The following DESI2 variants were observed in gnomAD, a reference collection of about 807,000 sequenced individuals.
DESI2 encodes the protein deubiquitinase DESI2.
DESI2 carries 10 observed loss-of-function variants against 24.1 expected under a neutral mutation model. That is an observed-to-expected ratio of 0.41 (90% CI 0.26 to 0.70). The LOEUF (loss-of-function observed/expected upper bound fraction) is 0.70, where lower values mean the gene tolerates loss of function less well. Among genes scored for constraint, DESI2 ranks in the 30% least tolerant of loss-of-function variants. DESI2 has a pLI of 0.29. For synonymous variants in DESI2, 71 were observed against 87.7 expected (o/e 0.81, Z 1.06); for missense variants, 122 against 234.9 (o/e 0.52, Z 3.14).
chr1:244,655,509 C>G (rs1295271749), intron 1 of DESI2, among the ~76,000 whole-genome samples: 1 of 152,042 alleles, frequency 6.6e-6, no homozygotes, highest in Non-Finnish European at 1.5e-5. Flanking sequence ...TATTTTTGAC[C>G]TGGTAGAAGC....
intron 1 of DESI2, among the ~76,000 whole-genome samples, chr1:244,675,571 T>TA (rs1283620100): frequency 6.6e-6 from 1 of 152,228 alleles, no homozygotes. Context: ...GCACCTTTGT[T>TA]AAAGATCAGT....
chr1:244,663,225 G>A (rs1354257683), intron 1 of DESI2, among the ~76,000 whole-genome samples: 2 of 151,002 alleles, frequency 1.3e-5, no homozygotes, highest in African/African-American at 2.4e-5. Context: ...TCGCTCTGTC[G>A]CCCAGGCTGG....
At chr1:244,667,227 C>G (rs932430328) in intron 1 of DESI2, among the ~76,000 whole-genome samples, 18 of 152,168 alleles carry the variant, frequency 1.2e-4, no homozygotes, top group African/African-American at 4.1e-4. Flanking sequence ...TGAGACAAGG[C>G]AAGTCCCTTC....
chr1:244,689,719 A>G lies in DESI2; in HGVS notation c.209+377A>G, dbSNP rs1272180300. On this transcript the variant is annotated intron_variant, in intron 3 of 4. Coordinates refer to ENST00000302550, the MANE Select transcript of DESI2 (RefSeq NM_016076.5). The surrounding 1 kb of genome is among the most constrained non-coding windows in gnomAD (Gnocchi z 4.0). ...GAGATGGAGTTTCGCCATGTTGGCCAGGCTAGTCTTGAACTCCTGACCTCA... is the reference window on the plus strand; with the variant it reads ...GAGATGGAGTTTCGCCATGTTGGCCGGGCTAGTCTTGAACTCCTGACCTCA... Among the ~76,000 whole-genome samples, 2 of 152,168 alleles carry G rather than the reference A, an allele frequency of 1.3e-5. No homozygotes were observed. Among genetic ancestry groups the G allele is most frequent in the African/African-American group, 4.8e-5 (2 of 41,434 alleles).
intron 1 of DESI2, among the ~76,000 whole-genome samples, chr1:244,663,397 C>G (rs540632426): frequency 6.6e-6 from 1 of 151,852 alleles, no homozygotes; most frequent in African/African-American, 2.4e-5. Context: ...AGGATGGTCT[C>G]GATCTCCTGA....
chr1:244,657,307 A>G (rs1200401986), intron 1 of DESI2, among the ~76,000 whole-genome samples: 1 of 152,272 alleles, frequency 6.6e-6, no homozygotes, highest in Middle Eastern at 3.4e-3. Flanking sequence ...TTCCAGAATC[A>G]CACATCCCAC....
Position 244,705,797 on chromosome 1 carries a change from C to T in DESI2, c.*8C>T, listed in dbSNP as rs755360342. 3.8e-6 allele frequency: 6 copies of T among 1,587,606 alleles called. No homozygotes were observed. The highest frequency in any genetic ancestry group is 5.2e-6 in the Non-Finnish European group (6 of 1,163,802). ...CGCCACACTAAACTATAAATGTCTC[C>T]AAAGTCACACATTCAGAACTGTCTC... On this transcript the variant is annotated 3_prime_UTR_variant, in exon 5 of 5. Coordinates refer to ENST00000302550, the MANE Select transcript of DESI2 (RefSeq NM_016076.5).
At chr1:244,665,337 CCTAA>C (rs953636545) in intron 1 of DESI2, among the ~76,000 whole-genome samples, 5 of 152,232 alleles carry the variant, frequency 3.3e-5, no homozygotes, top group African/African-American at 7.2e-5. Context: ...AATCTGCGCT[CCTAA>C]CTGTCATGCT....
chr1:244,667,905 T>A (rs567290689), intron 1 of DESI2, among the ~76,000 whole-genome samples: 2 of 152,358 alleles, frequency 1.3e-5, no homozygotes, highest in South Asian at 4.1e-4. Context: ...AGTCACTCAT[T>A]GTGTGATCTT....
intron 1 of DESI2, among the ~76,000 whole-genome samples, chr1:244,671,755 TATG>T (rs1442367900): frequency 1.3e-5 from 2 of 152,236 alleles, no homozygotes; most frequent in African/African-American, 4.8e-5. Flanking sequence ...TGTTATTGGC[TATG>T]ATTTTGTTTT....
chr1:244,707,739 T>G lies in DESI2; in HGVS notation c.*1950T>G, dbSNP rs3795479. On this transcript the variant is annotated 3_prime_UTR_variant, in exon 5 of 5. Coordinates refer to ENST00000302550, the MANE Select transcript of DESI2 (RefSeq NM_016076.5). ...CACACACAGTAGCCATTAGTTAGAC[T>G]CTTCTTAGTGAATATCAGGAACATC... 6.6e-6 allele frequency: 1 copy of G among 152,066 alleles called. No individual in the cohort carries two copies. Among genetic ancestry groups the G allele is most frequent in the Non-Finnish European group, 1.5e-5 (1 of 68,024 alleles). 9.4% of individuals were successfully genotyped at this position (152,066 alleles called of 1,614,324 possible).
rs1026178122 is a variant in DESI2 at position 244,679,156 on chromosome 1, T to C, written c.43-7441T>C. Among the ~76,000 whole-genome samples the C allele has an allele frequency of 7.2e-5, 11 of 152,060 alleles. 1 individual carries two copies. Among genetic ancestry groups the C allele is most frequent in the Non-Finnish European group, 1.3e-4 (9 of 68,000 alleles). The stretch of plus-strand genomic sequence containing the variant: ...TGGGCTCAGGTAATCAATCCTCCCA[T>C]GTCAGCCTCCTGGGTAGCTGGGACT... On this transcript the variant is annotated intron_variant, in intron 1 of 4. Coordinates refer to ENST00000302550, the MANE Select transcript of DESI2 (RefSeq NM_016076.5).
intron 1 of DESI2, chr1:244,653,891 A>G (rs1159731217): frequency 4.3e-6 from 2 of 470,474 alleles, no homozygotes; most frequent in Admixed American, 2.4e-5. Flanking sequence ...GAGCCAACAC[A>G]CCCTTTCCTT....
intron 1 of DESI2, chr1:244,653,595 C>T (rs1675539062): frequency 1.9e-6 from 1 of 528,908 alleles, no homozygotes; most frequent in Non-Finnish European, 3.3e-6. Flanking sequence ...GCTTGAACCT[C>T]TCCCATCCGC....
Position 244,683,100 on chromosome 1 carries a change from A to G in DESI2, c.43-3497A>G, listed in dbSNP as rs6670480. On this transcript the variant is annotated intron_variant, in intron 1 of 4. Coordinates refer to ENST00000302550, the MANE Select transcript of DESI2 (RefSeq NM_016076.5). ...ATCCAGGGGGGTTCTGGCTAAACCAACCTAACACATTTCCTAGTGAAGATC... is the reference window on the plus strand; with the variant it reads ...ATCCAGGGGGGTTCTGGCTAAACCAGCCTAACACATTTCCTAGTGAAGATC... Among the ~76,000 whole-genome samples, 982 of 152,208 alleles carry G rather than the reference A, an allele frequency of 6.5e-3. 18 individuals are homozygous for G. Among genetic ancestry groups the G allele is most frequent in the African/African-American group, 0.022 (930 of 41,538 alleles).
At chr1:244,668,285 G>C (rs1676116902) in intron 1 of DESI2, among the ~76,000 whole-genome samples, 1 of 152,140 alleles carries the variant, frequency 6.6e-6, no homozygotes, top group Non-Finnish European at 1.5e-5. Context: ...GGTCTTTCTA[G>C]AATAGTGTTT....
chr1:244,694,573 C>T, intron 4 of DESI2: 1 of 796,594 alleles, frequency 1.3e-6, no homozygotes. Context: ...TTAGCCTTGG[C>T]ACTGCCGTTA....
At chr1:244,701,701 C>CTAT (rs1391067758) in intron 4 of DESI2, among the ~76,000 whole-genome samples, 14 of 152,160 alleles carry the variant, frequency 9.2e-5, no homozygotes, top group African/African-American at 3.1e-4. Context: ...GCCTGTTCCA[C>CTAT]TATTATATTT....
At chr1:244,698,573 G>A (rs1465367985) in intron 4 of DESI2, among the ~76,000 whole-genome samples, 1 of 152,172 alleles carries the variant, frequency 6.6e-6, no homozygotes, top group Admixed American at 6.5e-5. Flanking sequence ...GCATATTTTG[G>A]AATCCTGAAT....
Sources: gnomAD v4.1 joint callset for allele counts (sites outside exome capture counted in the v4.1 genomes callset) on GRCh38, gnomAD v4.1.1 for gene constraint, Gnocchi (gnomAD v3.1) non-coding constraint, MANE v1.5 for transcripts, NCBI Gene and HGNC (gene_info 2026-07-23, HGNC 2026-07-21) for gene names.